The following CHL1 variants were observed in gnomAD, a reference collection of about 807,000 sequenced individuals.
The protein encoded by CHL1 is neural cell adhesion molecule L1-like protein.
Under a neutral mutation model 141.9 loss-of-function variants are expected in CHL1, and 96 were observed. The ratio of observed to expected loss-of-function variants is 0.68; its 90% CI spans 0.57 to 0.80. CHL1 has a LOEUF of 0.80. Ranked by LOEUF, CHL1 falls within the 30% of genes least tolerant of loss-of-function variation. The pLI is 0.00. For synonymous variants in CHL1, 613 were observed against 502.2 expected (o/e 1.22, Z -2.95); for missense variants, 1,820 against 1,457.2 (o/e 1.25, Z -4.05).
Position 338,066 on chromosome 3 carries a change from A to G in CHL1, c.386-2728A>G, listed in dbSNP as rs189698161. On this transcript the variant is annotated intron_variant, in intron 5 of 27. Coordinates refer to ENST00000256509, the MANE Select transcript of CHL1 (RefSeq NM_006614.4). ...TTTTTAGTAGAGACGGGGTTTCACCATGTTAGCCAGGATGGTCTCGATCTC... is the reference window on the plus strand; with the variant it reads ...TTTTTAGTAGAGACGGGGTTTCACCGTGTTAGCCAGGATGGTCTCGATCTC... 1.4e-3 allele frequency among the ~76,000 whole-genome samples: 215 copies of G among 152,198 alleles called. 1 individual carries two copies. The highest frequency in any genetic ancestry group is 3.4e-3 in the Middle Eastern group (1 of 294).
chr3:377,414 G>C (rs1706468362), intron 15 of CHL1, among the ~76,000 whole-genome samples: 1 of 152,136 alleles, frequency 6.6e-6, no homozygotes, highest in Non-Finnish European at 1.5e-5. Context: ...ATGGAATTCA[G>C]GAATCTGCCT....
rs189058426 is a variant in CHL1 at position 369,925 on chromosome 3, G to A, written c.1751+3810G>A. On this transcript the variant is annotated intron_variant, in intron 15 of 27. Transcript: ENST00000256509. The stretch of plus-strand genomic sequence containing the variant: ...TTATTGATCTGAATATGTTGAATCA[G>A]CCTTGAATCCCAGAGATGAAGCTGA... 4.8e-4 allele frequency among the ~76,000 whole-genome samples: 73 copies of A among 152,276 alleles called. No homozygotes were observed. The East Asian group carries it at 0.013, about 27-fold the overall frequency.
chr3:212,315 T>A (rs1056633962), intron 1 of CHL1, among the ~76,000 whole-genome samples: 1 of 152,192 alleles, frequency 6.6e-6, no homozygotes, highest in Non-Finnish European at 1.5e-5. Flanking sequence ...AAAGCAAGAC[T>A]GTTCACCAGT....
intron 1 of CHL1, among the ~76,000 whole-genome samples, chr3:212,899 T>A (rs1394983062): frequency 1.3e-5 from 2 of 152,236 alleles, no homozygotes; most frequent in African/African-American, 4.8e-5. Context: ...TGTCATATCT[T>A]TGTGCCAAAT....
intron 7 of CHL1, among the ~76,000 whole-genome samples, chr3:342,745 A>G (rs538926459): frequency 1.3e-5 from 2 of 152,270 alleles, no homozygotes; most frequent in East Asian, 3.9e-4. Flanking sequence ...ACATTCTTCT[A>G]GTAGCCTCAG....
At chr3:340,733 A>T in intron 5 of CHL1, 61 bp from the exon 6 acceptor site, 1 of 1,340,166 alleles carries the variant, frequency 7.5e-7, no homozygotes, top group Non-Finnish European at 1.0e-6. Flanking sequence ...ATATTAAGAT[A>T]TTTGTTGTTA....
chr3:286,260 A>G (rs1229256814), intron 2 of CHL1, among the ~76,000 whole-genome samples: 1 of 152,070 alleles, frequency 6.6e-6, no homozygotes, highest in Non-Finnish European at 1.5e-5. Flanking sequence ...GGGTTCTTGG[A>G]TCTCGCACAA....
Position 391,680 on chromosome 3 carries a change from G to C in CHL1, c.2797G>C (p.Glu933Gln). The change falls in exon 23 of 28, where the codon GAA becomes CAA. Residue 933 changes from glutamate (E) to glutamine (Q), a missense_variant. Glu to Gln is a conservative substitution (Grantham distance 29). Transcript: ENST00000256509. ...TTTGGTCTTGTGTTTTCTAGTACCT[G>C]AACAGCCAACTTTTCTAAAGGTCAT... ...YIFQTPEGVP[E>Q]QPTFLKVIKV... The C allele has an allele frequency of 1.2e-6, 2 of 1,602,966 alleles. No homozygotes were observed. Among genetic ancestry groups the C allele is most frequent in the Non-Finnish European group, 1.7e-6 (2 of 1,175,012 alleles).
rs1258119175 is a variant in CHL1, at chr3:394,689, T to C, written c.2915-4T>C. On this transcript the variant is annotated splice_region_variant and splice_polypyrimidine_tract_variant and intron_variant, in intron 23 of 27. Transcript: ENST00000256509. ...TGAGCTGTTGTTCATGTTTATTTTT[T>C]TAGTAAATGACACCTACGAGATTGG... is the stretch of plus-strand genomic sequence containing the variant. 1 of 1,597,670 alleles carries C rather than the reference T, an allele frequency of 6.3e-7. No individual in the cohort carries two copies. Among genetic ancestry groups the C allele is most frequent in the South Asian group, 1.1e-5 (1 of 88,968 alleles).
In CHL1 at chr3:401,716, T is replaced by C. The variant is rs62227277; in HGVS notation, c.3458+18T>C. 0.016 allele frequency: 23,535 copies of C among 1,438,990 alleles called. 231 individuals carry two copies. The highest frequency in any genetic ancestry group is 0.019 in the Non-Finnish European group (19,596 of 1,049,022). The allele number at this position is 1,438,990 out of a possible 1,614,324, so 89.1% of individuals were successfully genotyped here. ...GAATACAGGTAAACATAAGGTTCTGTTGTAAAATAAAACACATATTCATCA... is the reference window on the plus strand; with the variant it reads ...GAATACAGGTAAACATAAGGTTCTGCTGTAAAATAAAACACATATTCATCA... On this transcript the variant is annotated intron_variant, in intron 27 of 27. Coordinates refer to ENST00000256509, the MANE Select transcript of CHL1 (RefSeq NM_006614.4).
At chr3:297,166 C>T (rs1312327909) in intron 2 of CHL1, among the ~76,000 whole-genome samples, 1 of 152,022 alleles carries the variant, frequency 6.6e-6, no homozygotes, top group Non-Finnish European at 1.5e-5. Flanking sequence ...ATGGAGGCTT[C>T]AGAGAGCTGT....
Position 394,808 on chromosome 3 carries a change from G to A in CHL1, c.3030G>A (p.Arg1010=), listed in dbSNP as rs1352276501. 6.2e-7 allele frequency: 1 copy of A among 1,614,026 alleles called. No individual in the cohort carries two copies. The highest frequency in any genetic ancestry group is 8.5e-7 in the Non-Finnish European group (1 of 1,179,968). Residue 1010 remains arginine (R), a synonymous_variant, in exon 24 of 28, where the codon AGG becomes AGA. Coordinates refer to ENST00000256509, the MANE Select transcript of CHL1 (RefSeq NM_006614.4). ...NATTKYKFYL[R]ACTSQGCGKP... ...CTACCAAGTACAAATTCTACTTGAG[G>A]GCTTGCACTTCACAGGGCTGTGGAA...
At chr3:304,645 G>T (rs545066392) in intron 2 of CHL1, among the ~76,000 whole-genome samples, 73 of 151,818 alleles carry the variant, frequency 4.8e-4, no homozygotes, top group Admixed American at 1.1e-3. Context: ...TTCTTTATTA[G>T]TCTGGCTAGC....
intron 2 of CHL1, among the ~76,000 whole-genome samples, chr3:259,666 A>G (rs895131379): frequency 3.3e-5 from 5 of 151,952 alleles, no homozygotes; most frequent in Non-Finnish European, 4.4e-5. Flanking sequence ...AGCATTTTAT[A>G]TCTTTTTATT....
chr3:296,072 C>T (rs1698161196), intron 2 of CHL1, among the ~76,000 whole-genome samples: 1 of 152,030 alleles, frequency 6.6e-6, no homozygotes, highest in Admixed American at 6.5e-5. Context: ...GTGAGGAGTT[C>T]AGACCCCTTC....
At chr3:276,890 TAAA>T (rs11292528) in intron 2 of CHL1, among the ~76,000 whole-genome samples, 9 of 64,420 alleles carry the variant, frequency 1.4e-4, no homozygotes, top group African/African-American at 2.5e-4. Context: ...CTCCGTCTCC[TAAA>T]AAAAAAAAAA....
rs1243184879 is a variant in CHL1 at position 197,791 on chromosome 3, C to T, written c.-175+728C>T. 3 of 455,820 alleles carry T rather than the reference C, an allele frequency of 6.6e-6. No individual in the cohort carries two copies. The Admixed American group carries it at 7.1e-5, about 11-fold the overall frequency. The allele number at this position is 455,820 out of a possible 1,614,324, so 28.2% of individuals were successfully genotyped here. On this transcript the variant is annotated intron_variant, in intron 1 of 27. Transcript: ENST00000256509. ...GCCGGGGGCCGTGGTTGCCATGGCTCCTGGTAGCGGAGCCCGGGGGGCTGG... is the reference window on the plus strand; with the variant it reads ...GCCGGGGGCCGTGGTTGCCATGGCTTCTGGTAGCGGAGCCCGGGGGGCTGG...
At chr3:216,465 C>G (rs1047201913) in intron 1 of CHL1, among the ~76,000 whole-genome samples, 1 of 152,072 alleles carries the variant, frequency 6.6e-6, no homozygotes, top group Non-Finnish European at 1.5e-5. Context: ...AATTCTGAAA[C>G]GTTGTACCAG....
At chr3:384,951 C>A (rs941200871) in intron 19 of CHL1, among the ~76,000 whole-genome samples, 1 of 152,070 alleles carries the variant, frequency 6.6e-6, no homozygotes, top group Middle Eastern at 3.2e-3. Context: ...AAAATTAGAT[C>A]TTTATTTCCA....
Sources: gnomAD v4.1 joint callset for allele counts (sites outside exome capture counted in the v4.1 genomes callset) on GRCh38, gnomAD v4.1.1 for gene constraint, MANE v1.5 for transcripts, NCBI Gene and HGNC (gene_info 2026-07-23, HGNC 2026-07-21) for gene names.